The following LRIG3 variants were observed in gnomAD, a reference collection of about 807,000 sequenced individuals.
The protein encoded by LRIG3 is leucine rich repeats and immunoglobulin like domains 3.
LRIG3 carries 76 observed loss-of-function variants against 114.5 expected under a neutral mutation model. That is an observed-to-expected ratio of 0.66 (90% confidence interval 0.55 to 0.80). The LOEUF is 0.80. Among genes scored for constraint, LRIG3 ranks in the 30% least tolerant of loss-of-function variants. The probability of loss-of-function intolerance (pLI) is 0.00; values close to 1 mark genes in which losing one functional copy is unlikely to be tolerated. For synonymous variants in LRIG3, 512 were observed against 519.8 expected (o/e 0.98, Z 0.20); for missense variants, 1,239 against 1,382.8 (o/e 0.90, Z 1.65).
intron 3 of LRIG3, among the ~76,000 whole-genome samples, chr12:58,900,626 T>G (rs566509357): frequency 6.6e-6 from 1 of 152,338 alleles, no homozygotes; most frequent in South Asian, 2.1e-4. Flanking sequence ...AGCTTAGATT[T>G]GTGTATTTTT....
chr12:58,877,259 G>A (rs1267343886), intron 15 of LRIG3, 141 bp downstream of exon 15: 34 of 830,076 alleles, frequency 4.1e-5, no homozygotes, highest in Non-Finnish European at 5.7e-5. Context: ...GTTTTTTAGC[G>A]AATCATATTT....
Position 58,920,485 on chromosome 12 carries a change from C to A in LRIG3, c.-250G>T. ...TGCAGCTTGAGCAGCGTCGGCTCGC[C>A]GAAGCCCCTTCTTGTCTGCAAAAGA... is the stretch of plus-strand genomic sequence containing the variant. On this transcript the variant is annotated 5_prime_UTR_variant, in exon 1 of 19. Transcript: ENST00000320743. The A allele has an allele frequency of 2.7e-6, 1 of 374,750 alleles. No individual in the cohort carries two copies. Among genetic ancestry groups the A allele is most frequent in the Non-Finnish European group, 4.7e-6 (1 of 211,502 alleles). 23.2% of individuals were successfully genotyped at this position (374,750 alleles called of 1,614,324 possible). A position where few individuals can be genotyped will look rare whatever the true frequency, so the allele number is the denominator to read the frequency against.
chr12:58,915,929 C>T (rs967515389), intron 1 of LRIG3, among the ~76,000 whole-genome samples: 5 of 152,182 alleles, frequency 3.3e-5, no homozygotes, highest in Admixed American at 1.3e-4. Flanking sequence ...CCTGAGTCAA[C>T]AGAAAGTCTC....
At chr12:58,879,915 C>T (rs1365035605) in intron 13 of LRIG3, among the ~76,000 whole-genome samples, 2 of 152,192 alleles carry the variant, frequency 1.3e-5, no homozygotes, top group Non-Finnish European at 2.9e-5. Flanking sequence ...GATTCACACA[C>T]AGATCTCTGA....
intron 5 of LRIG3, 91 bp downstream of exon 5, chr12:58,889,905 A>T (rs2120914124): frequency 6.8e-7 from 1 of 1,477,638 alleles, no homozygotes; most frequent in African/African-American, 1.4e-5. Flanking sequence ...TTGCTCCTAA[A>T]CTCCTTTTTG....
At chr12:58,907,653 C>G (rs1949526082) in intron 3 of LRIG3, among the ~76,000 whole-genome samples, 1 of 152,210 alleles carries the variant, frequency 6.6e-6, no homozygotes, top group South Asian at 2.1e-4. Context: ...GATGGGCAGA[C>G]ATCTTAGACT....
intron 3 of LRIG3, among the ~76,000 whole-genome samples, chr12:58,906,227 G>C (rs1872060051): frequency 6.6e-6 from 1 of 152,102 alleles, no homozygotes; most frequent in Non-Finnish European, 1.5e-5. Flanking sequence ...TAATTAATAT[G>C]AAAAACTGAT....
At chr12:58,912,388 T>C (rs1872317215) in intron 3 of LRIG3, among the ~76,000 whole-genome samples, 1 of 151,908 alleles carries the variant, frequency 6.6e-6, no homozygotes, top group African/African-American at 2.4e-5. Context: ...CCCAGCTACT[T>C]GGGAGGCTGA....
chr12:58,881,630 A>G (rs1871133459), intron 12 of LRIG3, among the ~76,000 whole-genome samples: 1 of 152,162 alleles, frequency 6.6e-6, no homozygotes, highest in Non-Finnish European at 1.5e-5. Context: ...ACCTTTTTGA[A>G]CTTCAGTTTC....
At chr12:58,904,246 C>G (rs12301928) in intron 3 of LRIG3, among the ~76,000 whole-genome samples, 2 of 152,078 alleles carry the variant, frequency 1.3e-5, no homozygotes, top group Non-Finnish European at 1.5e-5. Flanking sequence ...TAGAAGACAA[C>G]TGAGAAACCA....
chr12:58,919,439 T>C, intron 1 of LRIG3: 2 of 1,551,578 alleles, frequency 1.3e-6, no homozygotes, highest in South Asian at 1.2e-5. Context: ...TCTGCTAATG[T>C]GAAAAAGCAA....
Position 58,886,909 on chromosome 12 carries a change from T to G in LRIG3, c.1092-19A>C. On this transcript the variant is annotated intron_variant, in intron 8 of 18. Coordinates refer to ENST00000320743, the MANE Select transcript of LRIG3 (RefSeq NM_153377.5). ...CAGATCCCTAATTTTAAAAGAAGCATTCCCTTTAGAGTGATAAGCTCAGAA... is the reference window on the plus strand; with the variant it reads ...CAGATCCCTAATTTTAAAAGAAGCAGTCCCTTTAGAGTGATAAGCTCAGAA... 2 of 1,600,076 alleles carry G rather than the reference T, an allele frequency of 1.2e-6. No individual in the cohort carries two copies. The highest frequency in any genetic ancestry group is 1.7e-6 in the Non-Finnish European group (2 of 1,167,838).
chr12:58,895,109 CT>C (rs1212852570), intron 3 of LRIG3, among the ~76,000 whole-genome samples: 1 of 152,148 alleles, frequency 6.6e-6, no homozygotes, highest in African/African-American at 2.4e-5. Context: ...TGCCAAATAC[CT>C]TTAAAATGCA....
chr12:58,902,621 G>A (rs1871899854), intron 3 of LRIG3, among the ~76,000 whole-genome samples: 1 of 150,858 alleles, frequency 6.6e-6, no homozygotes, highest in Admixed American at 6.6e-5. Context: ...TGTGCACAAT[G>A]TGCAGGCTAC....
At chr12:58,886,958 G>C in intron 8 of LRIG3, 68 bp from the exon 9 acceptor site, 1 of 1,195,974 alleles carries the variant, frequency 8.4e-7, no homozygotes, top group Non-Finnish European at 1.2e-6. Context: ...CACCCAGGTG[G>C]CATATCATTT....
chr12:58,904,582 C>T (rs759043915), intron 3 of LRIG3, among the ~76,000 whole-genome samples: 5 of 152,286 alleles, frequency 3.3e-5, no homozygotes, highest in Non-Finnish European at 5.9e-5. Flanking sequence ...ATGAATTTTA[C>T]GGGCTTCAAG....
In LRIG3 at chr12:58,879,820, C is replaced by T. The variant is rs371415756; in HGVS notation, c.1802-715G>A. Among the ~76,000 whole-genome samples the T allele has an allele frequency of 3.9e-5, 6 of 152,324 alleles. No individual in the cohort carries two copies. In the South Asian group the frequency reaches 1.0e-3, roughly 26 times the overall value. ...AAATGAGCATAATGCCTCTAGGGGG[C>T]AGGTCCTATTATCCCTAATTGAAAG... On this transcript the variant is annotated intron_variant, in intron 13 of 18. Transcript: ENST00000320743.
At position 58,895,632 on chromosome 12, in the gene LRIG3, G is replaced by C. The variant is rs75177949; in HGVS notation, c.384-4836C>G. Among the ~76,000 whole-genome samples, 1,417 of 152,248 alleles carry C rather than the reference G, an allele frequency of 9.3e-3. 19 individuals carry two copies. Among genetic ancestry groups the C allele is most frequent in the African/African-American group, 0.031 (1,295 of 41,534 alleles). On this transcript the variant is annotated intron_variant, in intron 3 of 18. Transcript: ENST00000320743. ...ATCAGACATTTGACCTTTATCTCAA[G>C]ATCAACTGTGGGGAGGGGGCCAGAG...
chr12:58,874,848 A>G lies in LRIG3; in HGVS notation c.2696-275T>C, dbSNP rs1054470438. ...CCAAAGCAGCCATGGTCTAAACCAC[A>G]TACCATCAGCACTGTCCCCTTCTTA... On this transcript the variant is annotated intron_variant, in intron 16 of 18. Coordinates refer to ENST00000320743, the MANE Select transcript of LRIG3 (RefSeq NM_153377.5). Among the ~76,000 whole-genome samples the G allele has an allele frequency of 3.7e-4, 57 of 152,240 alleles. 1 individual carries two copies. Among genetic ancestry groups the G allele is most frequent in the Non-Finnish European group, 1.5e-5 (1 of 68,044 alleles).
Sources: allele counts gnomAD v4.1 joint callset (sites outside exome capture counted in the v4.1 genomes callset), GRCh38; gene constraint gnomAD v4.1.1; transcripts MANE v1.5; gene names NCBI Gene and HGNC (gene_info 2026-07-23, HGNC 2026-07-21).